Variants in BCAT1 observed in about 807,000 individuals in gnomAD.
BCAT1 encodes the protein branched-chain-amino-acid aminotransferase, cytosolic.
In BCAT1, 48 loss-of-function variants were observed where a neutral mutation model predicts 52.4. The ratio of observed to expected loss-of-function variants is 0.92; its 90% CI spans 0.73 to 1.16. The LOEUF is 1.16. Among genes scored for constraint, BCAT1 ranks in the 50% most tolerant of loss-of-function variants. BCAT1 has a pLI of 0.00. For synonymous variants in BCAT1, 167 were observed against 161.3 expected, an observed-to-expected ratio of 1.04 and a Z score of -0.27; for missense variants, 451 against 457.1, an observed-to-expected ratio of 0.99 and a Z score of 0.12.
chr12:24,905,770 G>T (rs569449219), intron 1 of BCAT1, among the ~76,000 whole-genome samples: 28 of 152,028 alleles, frequency 1.8e-4, no homozygotes, highest in Non-Finnish European at 4.0e-4. Flanking sequence ...CCATTGAAAG[G>T]TTAAGGATTA....
rs140717325 is a variant in BCAT1, at chr12:24,946,210, T to A, written c.6+2717A>T. Among the ~76,000 whole-genome samples, 1,003 of 152,294 alleles carry A rather than the reference T, an allele frequency of 6.6e-3. 9 individuals are homozygous for A. The highest frequency in any genetic ancestry group is 0.024 in the South Asian group (117 of 4,824). On this transcript the variant is annotated intron_variant, in intron 1 of 10. Coordinates refer to ENST00000261192, the MANE Select transcript of BCAT1 (RefSeq NM_005504.7). The stretch of plus-strand genomic sequence containing the variant: ...TTACTCATAAGCCCAGCCCTCTCAG[T>A]TAGGTTAATAACACCACTATCAGTT...
At chr12:24,840,975 A>AT (rs1941155394) in intron 7 of BCAT1, among the ~76,000 whole-genome samples, 1 of 152,238 alleles carries the variant, frequency 6.6e-6, no homozygotes, top group African/African-American at 2.4e-5. Context: ...TCTAATAGAA[A>AT]TAAATGCCTG....
At chr12:24,925,714 C>T (rs548489639) in intron 1 of BCAT1, among the ~76,000 whole-genome samples, 3 of 151,984 alleles carry the variant, frequency 2.0e-5, no homozygotes, top group East Asian at 3.9e-4. Context: ...CTCAGCCTGC[C>T]GAGTGCCTGT....
chr12:24,881,550 T>C, intron 3 of BCAT1, 139 bp from the exon 4 acceptor site: 2 of 600,236 alleles, frequency 3.3e-6, no homozygotes, highest in Non-Finnish European at 5.9e-6. Flanking sequence ...GATCATTAAA[T>C]CCAGGAAAGC....
At chr12:24,917,336 G>A (rs140667400) in intron 1 of BCAT1, among the ~76,000 whole-genome samples, 2 of 151,338 alleles carry the variant, frequency 1.3e-5, no homozygotes, top group East Asian at 2.0e-4. Context: ...CCGCCACCAC[G>A]CCCGGCTAAT....
At chr12:24,855,862 A>C (rs1591811285) in intron 5 of BCAT1, among the ~76,000 whole-genome samples, 1 of 151,672 alleles carries the variant, frequency 6.6e-6, no homozygotes, top group African/African-American at 2.4e-5. Flanking sequence ...TCCTGGCCTC[A>C]AGTTACCCTC....
chr12:24,886,695 T>C (rs1401458344), intron 3 of BCAT1, among the ~76,000 whole-genome samples: 1 of 152,012 alleles, frequency 6.6e-6, no homozygotes, highest in Admixed American at 6.5e-5. Flanking sequence ...GGGAAAACTG[T>C]TATTCTTTTT....
intron 1 of BCAT1, among the ~76,000 whole-genome samples, chr12:24,921,276 G>C (rs931439233): frequency 7.9e-5 from 12 of 152,180 alleles, no homozygotes; most frequent in Non-Finnish European, 1.5e-4. Context: ...TTTAGTACTT[G>C]TATGCCAGGA....
intron 10 of BCAT1, among the ~76,000 whole-genome samples, chr12:24,828,434 G>A (rs1055183834): frequency 2.6e-5 from 4 of 151,956 alleles, no homozygotes; most frequent in African/African-American, 4.8e-5. Flanking sequence ...AAAAATAGAC[G>A]TGTATACTCT....
At chr12:24,942,404 C>T (rs1361033980) in intron 1 of BCAT1, among the ~76,000 whole-genome samples, 1 of 151,880 alleles carries the variant, frequency 6.6e-6, no homozygotes, top group Non-Finnish European at 1.5e-5. Context: ...CAAAGCCAAG[C>T]GTGGTCGTGG....
At chr12:24,834,645 C>T (rs1382381043) in intron 8 of BCAT1, 4 of 988,356 alleles carry the variant, frequency 4.0e-6, no homozygotes, top group South Asian at 4.5e-5. Context: ...AGAACTCATG[C>T]TGTAAGTAGA....
At chr12:24,852,242 T>C (rs1290476675) in intron 5 of BCAT1, among the ~76,000 whole-genome samples, 1 of 152,200 alleles carries the variant, frequency 6.6e-6, no homozygotes, top group Non-Finnish European at 1.5e-5. Context: ...TCTTCATAAA[T>C]TACCCAGTCT....
chr12:24,837,679 G>A (rs751510085), intron 7 of BCAT1, among the ~76,000 whole-genome samples: 15 of 151,948 alleles, frequency 9.9e-5, no homozygotes, highest in Non-Finnish European at 1.8e-4. Context: ...TGCCCACTTC[G>A]GCCTCCCAAA....
At chr12:24,940,097 T>G (rs2139759582) in intron 1 of BCAT1, among the ~76,000 whole-genome samples, 1 of 152,330 alleles carries the variant, frequency 6.6e-6, no homozygotes, top group Non-Finnish European at 1.5e-5. Flanking sequence ...ATGTCATTAT[T>G]TTTTACGCCT....
intron 5 of BCAT1, among the ~76,000 whole-genome samples, chr12:24,874,061 T>C (rs1201555740): frequency 6.6e-6 from 1 of 152,186 alleles, no homozygotes; most frequent in Non-Finnish European, 1.5e-5. Context: ...ATGCCTGTAA[T>C]CCAGCACTTT....
At chr12:24,902,037 C>G in intron 1 of BCAT1, 152 bp from the exon 2 acceptor site, 2 of 1,555,700 alleles carry the variant, frequency 1.3e-6, no homozygotes, top group Non-Finnish European at 1.7e-6. Context: ...GCACCCAGGC[C>G]CGAACCTCCA....
chr12:24,942,513 C>T (rs1322611590), intron 1 of BCAT1, among the ~76,000 whole-genome samples: 1 of 148,696 alleles, frequency 6.7e-6, no homozygotes, highest in Non-Finnish European at 1.5e-5. Flanking sequence ...CACTGCACTC[C>T]AGCGTGGGTG....
At chr12:24,916,442 A>AGG (rs1943408925) in intron 1 of BCAT1, among the ~76,000 whole-genome samples, 1 of 152,224 alleles carries the variant, frequency 6.6e-6, no homozygotes, top group African/African-American at 2.4e-5. Context: ...CTCAAAAAAA[A>AGG]GACATTCCAG....
chr12:24,833,585 A>T (rs1940782808), intron 8 of BCAT1, among the ~76,000 whole-genome samples: 1 of 152,108 alleles, frequency 6.6e-6, no homozygotes, highest in Non-Finnish European at 1.5e-5. Context: ...AGAACAATGT[A>T]TTATATAATA....
Sources: gnomAD v4.1 joint callset for allele counts (sites outside exome capture counted in the v4.1 genomes callset) on GRCh38, gnomAD v4.1.1 for gene constraint, MANE v1.5 for transcripts, NCBI Gene and HGNC (gene_info 2026-07-23, HGNC 2026-07-21) for gene names.